EPPK1: variants seen among roughly 807,000 people sequenced by gnomAD.
EPPK1 encodes epiplakin 1.
For synonymous variants in EPPK1, 1,862 were observed against 1,721.2 expected (o/e 1.08, Z -2.03); for missense variants, 3,823 against 3,673.3 (o/e 1.04, Z -1.05).
At position 143,858,020 on chromosome 8, in the gene EPPK1, CG is replaced by C; in HGVS notation, c.15233del (p.Thr5078ArgfsTer60). The C allele has an allele frequency of 6.2e-7, 1 of 1,610,604 alleles. No homozygotes were observed. The highest frequency in any genetic ancestry group is 8.5e-7 in the Non-Finnish European group (1 of 1,178,450). ...GAGAGAGAGAAAGAAATAGGAGCCC[CG>C]TCTCAGGGTCCAGGGTGGCCCTCTG... ...LLQRATLDPE[T>X]GLLFLSLSLQ On this transcript the variant is annotated frameshift_variant, in exon 2 of 2. Coordinates refer to ENST00000615648, the MANE Select transcript of EPPK1 (RefSeq NM_031308.4). LOFTEE classifies it low-confidence loss of function (END_TRUNC).
At position 143,869,168 on chromosome 8, in the gene EPPK1, T is replaced by C. The variant is rs375068201; in HGVS notation, c.4086A>G (p.Thr1362=). The C allele has an allele frequency of 3.7e-6, 6 of 1,607,726 alleles. No homozygotes were observed. The highest frequency in any genetic ancestry group is 3.4e-6 in the Non-Finnish European group (4 of 1,179,506). ...CGTGGACAGGGTCCACCACACCCCC[T>C]GTGGCCAGCTGCACCTGCAGGAGGG... ...GLPLLQVQLA[T]GGVVDPVHGV... Residue 1362 remains threonine, a synonymous_variant, in exon 2 of 2, where the codon ACA becomes ACG. Coordinates refer to ENST00000615648, the MANE Select transcript of EPPK1 (RefSeq NM_031308.4).
Position 143,866,969 on chromosome 8 carries a change from G to A in EPPK1, c.6285C>T (p.Ile2095=), listed in dbSNP as rs782256924. The A allele has an allele frequency of 1.2e-5, 19 of 1,612,634 alleles. No homozygotes were observed. The East Asian group carries it at 2.0e-4, about 17-fold the overall frequency. ...CCAGGGCCCTTCTCGTCTCGTCATC[G>A]ATGTGCTCGGAGTCCCGTGCAGCCT... is the stretch of plus-strand genomic sequence containing the variant. ...VNKAARDSEH[I]DDETRRALEA... The change falls in exon 2 of 2, where the codon ATC becomes ATT. Residue 2095 remains isoleucine (I), a synonymous_variant. Coordinates refer to ENST00000615648, the MANE Select transcript of EPPK1 (RefSeq NM_031308.4).
rs368221168 is a variant in EPPK1, at chr8:143,870,246, C to T, written c.3008G>A (p.Arg1003Gln). ...GAAGCCAGCAATGGCACCCTCAGCCCGCTTCAGCCTGCCATACAGCTCCGG... is the reference window on the plus strand; with the variant it reads ...GAAGCCAGCAATGGCACCCTCAGCCTGCTTCAGCCTGCCATACAGCTCCGG... ...VGPELYGRLK[R>Q]AEGAIAGFRD... is the part of the protein sequence containing the mutation. The change falls in exon 2 of 2, where the codon CGG (arginine) becomes CAG (glutamine). Residue 1003 changes from arginine to glutamine, a missense_variant. Transcript: ENST00000615648. This position sits in a 1 kb window ranked among gnomAD's most constrained non-coding sequence, Gnocchi z 5.2. 15 of 1,602,266 alleles carry T rather than the reference C, an allele frequency of 9.4e-6. No homozygotes were observed. Among genetic ancestry groups the T allele is most frequent in the African/African-American group, 2.7e-5 (2 of 74,634 alleles).
rs11781942 is a variant in EPPK1, at chr8:143,866,611, G to T, written c.6643C>A (p.Arg2215Ser). 49 of 1,612,682 alleles carry T rather than the reference G, an allele frequency of 3.0e-5. No individual in the cohort carries two copies. The highest frequency in any genetic ancestry group is 3.8e-5 in the Non-Finnish European group (45 of 1,179,850). The change falls in exon 2 of 2, where the codon CGC becomes AGC. Residue 2215 changes from arginine (R) to serine (S), a missense_variant. Coordinates refer to ENST00000615648, the MANE Select transcript of EPPK1 (RefSeq NM_031308.4). ...STTQELMEDD[R>S]VKRYLEGTSC... ...GTGCCCTCCAGGTAGCGCTTGACGCGGTCGTCCTCCATGAGCTCTTGCGTC... is the reference window on the plus strand; with the variant it reads ...GTGCCCTCCAGGTAGCGCTTGACGCTGTCGTCCTCCATGAGCTCTTGCGTC...
chr8:143,866,024 G>A lies in EPPK1; in HGVS notation c.7230C>T (p.Thr2410=). The A allele has an allele frequency of 6.1e-5, 10 of 163,706 alleles. No homozygotes were observed. Among genetic ancestry groups the A allele is most frequent in the South Asian group, 1.4e-4 (4 of 27,590 alleles). The allele number at this position is 163,706 out of a possible 1,614,324, so 10.1% of individuals were successfully genotyped here. A position where few individuals can be genotyped will look rare whatever the true frequency, so the allele number is the denominator to read the frequency against. ...CTGCCAGCTGCAGCATGTAGAGCCC[G>A]GTGTCCGGGTCGGGCACGCAGCGGC... ...LLRRCVPDPD[T]GLYMLQLAGR... The change falls in exon 2 of 2, where the codon ACC becomes ACT. Residue 2410 remains threonine (T), a synonymous_variant. Transcript: ENST00000615648.
At chr8:143,878,413 G>GCCGCACCTGC (rs1554662626) in intron 1 of EPPK1, 25 bp downstream of exon 1, 15 of 92,182 alleles carry the variant, frequency 1.6e-4, no homozygotes, top group South Asian at 2.7e-4. Context: ...CGCCGCACCC[G>GCCGCACCTGC]CCGCACCCGC....
Position 143,867,191 on chromosome 8 carries a change from G to T in EPPK1, c.6063C>A (p.His2021Gln), listed in dbSNP as rs78008227. 6.2e-7 allele frequency: 1 copy of T among 1,612,666 alleles called. No individual in the cohort carries two copies. Among genetic ancestry groups the T allele is most frequent in the Non-Finnish European group, 8.5e-7 (1 of 1,179,826 alleles). The change falls in exon 2 of 2, where the codon CAC (histidine) becomes CAA (glutamine). Residue 2021 changes from histidine (H) to glutamine (Q), a missense_variant. By Grantham distance (24) the His-to-Gln change is conservative. Coordinates refer to ENST00000615648, the MANE Select transcript of EPPK1 (RefSeq NM_031308.4). ...VATGGVIDPQ[H>Q]HHRLPLETAY... ...CTGTTTCCAGTGGGAGCCGGTGGTG[G>T]TGCTGTGGGTCGATGACACCCCCCG... is the stretch of plus-strand genomic sequence containing the variant.
intron 1 of EPPK1, among the ~76,000 whole-genome samples, chr8:143,877,015 CCAAA>C (rs1586705671): frequency 2.0e-5 from 3 of 152,264 alleles, no homozygotes; most frequent in Admixed American, 1.3e-4. Flanking sequence ...CTCAAGTTCC[CCAAA>C]CAAAGAGGAG....
At position 143,870,247 on chromosome 8, in the gene EPPK1, G is replaced by C; in HGVS notation, c.3007C>G (p.Arg1003Gly). The C allele has an allele frequency of 6.2e-7, 1 of 1,600,832 alleles. No individual in the cohort carries two copies. The highest frequency in any genetic ancestry group is 8.5e-7 in the Non-Finnish European group (1 of 1,175,500). The change falls in exon 2 of 2, where the codon CGG becomes GGG. Residue 1003 changes from arginine to glycine, a missense_variant. Physicochemically the swap from Arg to Gly is moderately radical, Grantham distance 125 (BLOSUM62 -2). Transcript: ENST00000615648. The surrounding 1 kb of genome is among the most constrained non-coding windows in gnomAD (Gnocchi z 5.2). The stretch of plus-strand genomic sequence containing the variant: ...AAGCCAGCAATGGCACCCTCAGCCC[G>C]CTTCAGCCTGCCATACAGCTCCGGC... ...VGPELYGRLK[R>G]AEGAIAGFRD...
chr8:143,869,218 G>A lies in EPPK1; in HGVS notation c.4036C>T (p.Leu1346Phe), dbSNP rs782379166. Residue 1346 changes from leucine to phenylalanine, a missense_variant, in exon 2 of 2, where the codon CTC becomes TTC. Transcript: ENST00000615648. ...LSLWQAMEKG[L>F]VPQNEGLPLL... ...GGCAAGCCCTCGTTCTGTGGCACGA[G>A]CCCCTTCTCCATGGCCTGCCACAGA... 1 of 1,610,712 alleles carries A rather than the reference G, an allele frequency of 6.2e-7. No homozygotes were observed. The highest frequency in any genetic ancestry group is 8.5e-7 in the Non-Finnish European group (1 of 1,179,744).
rs1554659692 is a variant in EPPK1 at position 143,867,963 on chromosome 8, TCTC to T, written c.5288_5290del (p.Gly1763del). 2 of 1,613,622 alleles carry T rather than the reference TCTC, an allele frequency of 1.2e-6. No individual in the cohort carries two copies. The highest frequency in any genetic ancestry group is 1.7e-6 in the Non-Finnish European group (2 of 1,179,964). On this transcript the variant is annotated inframe_deletion, in exon 2 of 2. Coordinates refer to ENST00000615648, the MANE Select transcript of EPPK1 (RefSeq NM_031308.4). ...GGCCTCATTGATGTACACGTAGTTT[TCTC>T]CTTTCTTTATGATTTGTAGCAGGTA... is the stretch of plus-strand genomic sequence containing the variant.
Position 143,869,547 on chromosome 8 carries a change from G to A in EPPK1, c.3707C>T (p.Pro1236Leu), listed in dbSNP as rs782314559. 3.1e-5 allele frequency: 49 copies of A among 1,558,930 alleles called. No homozygotes were observed. The highest frequency in any genetic ancestry group is 5.8e-5 in the South Asian group (5 of 86,046). ...TQSPAQVAEQ[P>L]AVKACLWGTG... ...GCCCCACAGGCAGGCCTTCACCGCC[G>A]GCTGCTCGGCGACCTGGGCGGGCGA... is the stretch of plus-strand genomic sequence containing the variant. Residue 1236 changes from proline to leucine, a missense_variant, in exon 2 of 2, where the codon CCG becomes CTG. Pro to Leu is a moderately conservative substitution (Grantham distance 98, BLOSUM62 -3). Transcript: ENST00000615648.
In EPPK1 at chr8:143,872,256, G is replaced by A. The variant is rs1181025331; in HGVS notation, c.998C>T (p.Thr333Ile). ...CTCGTCTACCCACAGCCGCTGGCCTGTGATGGGGTCCACCAGGGTGTGGGT... is the reference window on the plus strand; with the variant it reads ...CTCGTCTACCCACAGCCGCTGGCCTATGATGGGGTCCACCAGGGTGTGGGT... ...AATHTLVDPI[T>I]GQRLWVDEAV... is the part of the protein sequence containing the mutation. Residue 333 changes from threonine to isoleucine, a missense_variant, in exon 2 of 2, where the codon ACA becomes ATA. Coordinates refer to ENST00000615648, the MANE Select transcript of EPPK1 (RefSeq NM_031308.4). The A allele has an allele frequency of 6.2e-7, 1 of 1,609,624 alleles. No homozygotes were observed. Among genetic ancestry groups the A allele is most frequent in the African/African-American group, 1.3e-5 (1 of 75,034 alleles).
Position 143,872,894 on chromosome 8 carries a change from C to T in EPPK1, c.360G>A (p.Thr120=), listed in dbSNP as rs7819087. ...EKLLAAERAT[T]GYPDPYGGEK... is the part of the protein sequence containing the mutation. ...CACCGCCGTAGGGGTCAGGATAGCCCGTAGTGGCACGCTCAGCGGCCAGCA... is the reference window on the plus strand; with the variant it reads ...CACCGCCGTAGGGGTCAGGATAGCCTGTAGTGGCACGCTCAGCGGCCAGCA... Residue 120 remains threonine (T), a synonymous_variant, in exon 2 of 2, where the codon ACG becomes ACA. Coordinates refer to ENST00000615648, the MANE Select transcript of EPPK1 (RefSeq NM_031308.4). The T allele has an allele frequency of 5.0e-3, 8,011 of 1,605,168 alleles. 307 individuals are homozygous for T. In the African/African-American group the frequency reaches 0.086, roughly 17 times the overall value.
In EPPK1 at chr8:143,873,129, C is replaced by G. The variant is rs532342176; in HGVS notation, c.125G>C (p.Ser42Thr). The G allele has an allele frequency of 8.2e-6, 13 of 1,581,214 alleles. 1 individual carries two copies. Among genetic ancestry groups the G allele is most frequent in the Middle Eastern group, 1.7e-4 (1 of 5,900 alleles). ...AGTPPRPQAR[S>T]IAGVYVEASG... Reference sequence around the variant, plus strand: ...GGCCTCCACATACACCCCAGCTATGCTCCTGGCCTGGGGCCTGGGGGGCGT... The same window carrying G: ...GGCCTCCACATACACCCCAGCTATGGTCCTGGCCTGGGGCCTGGGGGGCGT... Residue 42 changes from serine (S) to threonine (T), a missense_variant, in exon 2 of 2, where the codon AGC (serine) becomes ACC (threonine). Coordinates refer to ENST00000615648, the MANE Select transcript of EPPK1 (RefSeq NM_031308.4).
rs1554661835 is a variant in EPPK1 at position 143,873,070 on chromosome 8, C to G, written c.184G>C (p.Glu62Gln). ...AGCCCAGCAGGCAGGAGGCCCTGCT[C>G]CATGGCGGCGTAGACACTCTGGGCC... ...GQAQSVYAAM[E>Q]QGLLPAGLGQ... The change falls in exon 2 of 2, where the codon GAG (glutamate) becomes CAG (glutamine). Residue 62 changes from glutamate (E) to glutamine (Q), a missense_variant. By Grantham distance (29) the Glu-to-Gln change is conservative (BLOSUM62 2). Transcript: ENST00000615648. The G allele has an allele frequency of 6.4e-7, 1 of 1,556,938 alleles. No homozygotes were observed. The highest frequency in any genetic ancestry group is 8.7e-7 in the Non-Finnish European group (1 of 1,151,434).
Position 143,866,985 on chromosome 8 carries a change from C to T in EPPK1, c.6269G>A (p.Arg2090Gln), listed in dbSNP as rs139137378. The T allele has an allele frequency of 6.3e-5, 101 of 1,612,806 alleles. No homozygotes were observed. Among genetic ancestry groups the T allele is most frequent in the South Asian group, 5.8e-4 (53 of 91,078 alleles). The change falls in exon 2 of 2, where the codon CGG (arginine) becomes CAG (glutamine). Residue 2090 changes from arginine (R) to glutamine (Q), a missense_variant. Coordinates refer to ENST00000615648, the MANE Select transcript of EPPK1 (RefSeq NM_031308.4). Reference protein sequence around the residue: ...WLLFPVNKAARDSEHIDDETR... With the variant: ...WLLFPVNKAAQDSEHIDDETR... The stretch of plus-strand genomic sequence containing the variant: ...CTCGTCATCGATGTGCTCGGAGTCC[C>T]GTGCAGCCTTGTTCACTGGGAACAG...
Position 143,869,480 on chromosome 8 carries a change from G to T in EPPK1, c.3774C>A (p.Ala1258=), listed in dbSNP as rs368816370. 6.5e-7 allele frequency: 1 copy of T among 1,547,308 alleles called. No homozygotes were observed. The highest frequency in any genetic ancestry group is 8.7e-7 in the Non-Finnish European group (1 of 1,151,622). Residue 1258 remains alanine (A), a synonymous_variant, in exon 2 of 2, where the codon GCC becomes GCA. Coordinates refer to ENST00000615648, the MANE Select transcript of EPPK1 (RefSeq NM_031308.4). ...VAGVLLQPSG[A]KASIAQAVRD... is the part of the protein sequence containing the mutation. ...TCACGGCCTGGGCGATGCTGGCCTT[G>T]GCCCCAGAGGGCTGTAGCAGCACAC...
Position 143,857,896 on chromosome 8 carries a change from CAA to C in EPPK1, c.*89_*90del, listed in dbSNP as rs35186960. 0.032 allele frequency: 13,603 copies of C among 419,398 alleles called. No individual in the cohort carries two copies. Among genetic ancestry groups the C allele is most frequent in the South Asian group, 0.048 (1,079 of 22,342 alleles). 26.0% of individuals were successfully genotyped at this position (419,398 alleles called of 1,614,324 possible). ...GTAAAACAACAAAATTAAAGAATGA[CAA>C]AAAAAAAAAAAAAAAAAAAAACAAC... On this transcript the variant is annotated 3_prime_UTR_variant, in exon 2 of 2. Transcript: ENST00000615648.
Sources: allele counts gnomAD v4.1 joint callset (sites outside exome capture counted in the v4.1 genomes callset), GRCh38; gene constraint gnomAD v4.1.1; non-coding constraint Gnocchi (gnomAD v3.1); transcripts MANE v1.5; gene names NCBI Gene and HGNC (gene_info 2026-07-23, HGNC 2026-07-21).